The following SGCD variants were observed in gnomAD, a reference collection of about 807,000 sequenced individuals.
SGCD encodes delta-sarcoglycan.
A neutral mutation model predicts 36.6 loss-of-function variants in SGCD; 18 were observed. The ratio of observed to expected loss-of-function variants is 0.49; its 90% CI spans 0.34 to 0.73. SGCD has a LOEUF of 0.73. SGCD is among the 30% of genes least tolerant of loss of function. SGCD has a pLI of 0.01. For synonymous variants in SGCD, 133 were observed against 130.6 expected (o/e 1.02, Z -0.12); for missense variants, 387 against 346.7 (o/e 1.12, Z -0.92).
chr5:156,187,741 G>A (rs1424383354), intron 3 of SGCD, among the ~76,000 whole-genome samples: 1 of 152,116 alleles, frequency 6.6e-6, no homozygotes, highest in African/African-American at 2.4e-5. Flanking sequence ...GAGAAAGGGT[G>A]GGAAAGACCT....
chr5:156,285,147 C>A (rs187508610), intron 3 of SGCD, among the ~76,000 whole-genome samples: 21,296 of 152,146 alleles, frequency 0.14, 1,864 homozygotes, highest in Admixed American at 0.2. Context: ...AGGAGAACTA[C>A]AAACCACTGC....
At chr5:156,136,502 T>A (rs1762461080) in intron 3 of SGCD, among the ~76,000 whole-genome samples, 1 of 152,178 alleles carries the variant, frequency 6.6e-6, no homozygotes, top group African/African-American at 2.4e-5. Context: ...AATTTCAGGA[T>A]GTGTTTGGAT....
At chr5:156,034,081 C>T (rs1374883903) in intron 1 of SGCD, among the ~76,000 whole-genome samples, 1 of 152,116 alleles carries the variant, frequency 6.6e-6, no homozygotes, top group African/African-American at 2.4e-5. Context: ...TTTTAATAGT[C>T]CCTCTCTCCT....
intron 7 of SGCD, among the ~76,000 whole-genome samples, chr5:156,682,635 T>A (rs1753763350): frequency 6.6e-6 from 1 of 152,178 alleles, no homozygotes; most frequent in Non-Finnish European, 1.5e-5. Context: ...AACATTAAAG[T>A]TCTAAGTAGA....
At chr5:155,729,316 C>G in the SGCD span, among the ~76,000 whole-genome samples, 2 of 152,196 alleles carry the variant, frequency 1.3e-5, no homozygotes, top group Admixed American at 1.3e-4. Context: ...AGATCCGCAG[C>G]CGCCTGGGCG....
intron 1 of SGCD, among the ~76,000 whole-genome samples, chr5:155,993,125 G>A (rs1424387998): frequency 4.6e-5 from 7 of 151,956 alleles, no homozygotes; most frequent in Admixed American, 4.6e-4. Context: ...TCCTTCCCTT[G>A]GAAACCACAA....
chr5:156,596,887 G>T (rs1760948431), intron 6 of SGCD, among the ~76,000 whole-genome samples: 1 of 152,054 alleles, frequency 6.6e-6, no homozygotes, highest in Non-Finnish European at 1.5e-5. Flanking sequence ...TCTCCCACTT[G>T]TATTTGCCCC....
chr5:156,712,102 A>G (rs1581442953), intron 7 of SGCD, among the ~76,000 whole-genome samples: 1 of 152,094 alleles, frequency 6.6e-6, no homozygotes, highest in South Asian at 2.1e-4. Flanking sequence ...TGGCTTCTTT[A>G]CTGCAACCTG....
chr5:156,370,836 G>A (rs898783590), intron 3 of SGCD, among the ~76,000 whole-genome samples: 4 of 152,108 alleles, frequency 2.6e-5, no homozygotes, highest in African/African-American at 9.7e-5. Context: ...TGAGTAAGTG[G>A]AATATTAGGG....
intron 1 of SGCD, among the ~76,000 whole-genome samples, chr5:155,953,567 C>T (rs1255137306): frequency 6.6e-6 from 1 of 152,136 alleles, no homozygotes; most frequent in African/African-American, 2.4e-5. Context: ...GTTTTACTCA[C>T]CACTGACTCA....
chr5:156,489,262 A>G (rs1755836331), intron 3 of SGCD, among the ~76,000 whole-genome samples: 1 of 152,260 alleles, frequency 6.6e-6, no homozygotes, highest in Middle Eastern at 3.4e-3. Flanking sequence ...AAAGAGAAAG[A>G]TAGACTCCTA....
intron 4 of SGCD, among the ~76,000 whole-genome samples, chr5:156,569,948 G>C (rs770779764): frequency 1.3e-5 from 2 of 152,172 alleles, no homozygotes; most frequent in Admixed American, 1.3e-4. Context: ...CTTGTAGTTA[G>C]GAGTTTGAAT....
chr5:155,786,545 G>A, the SGCD span, among the ~76,000 whole-genome samples: 4 of 152,228 alleles, frequency 2.6e-5, no homozygotes, highest in South Asian at 8.3e-4. Context: ...GATGAACAAA[G>A]GAGGAACATT....
intron 4 of SGCD, among the ~76,000 whole-genome samples, chr5:156,578,831 G>T (rs754609686): frequency 6.6e-6 from 1 of 152,086 alleles, no homozygotes; most frequent in African/African-American, 2.4e-5. Context: ...CTTGCTAGTG[G>T]TCTATCAATT....
At chr5:156,204,831 A>G (rs1240441710) in intron 3 of SGCD, among the ~76,000 whole-genome samples, 1 of 152,102 alleles carries the variant, frequency 6.6e-6, no homozygotes, top group Non-Finnish European at 1.5e-5. Context: ...AGCTACTTAA[A>G]AATAAGTGGC....
At chr5:156,585,424 C>G (rs1014940934) in intron 4 of SGCD, among the ~76,000 whole-genome samples, 10 of 152,270 alleles carry the variant, frequency 6.6e-5, no homozygotes, top group African/African-American at 2.2e-4. Flanking sequence ...ACAAACTATC[C>G]TTTGAAAATG....
the SGCD span, among the ~76,000 whole-genome samples, chr5:155,813,534 A>ATCTC: frequency 6.6e-6 from 1 of 152,200 alleles, no homozygotes; most frequent in Non-Finnish European, 1.5e-5. Context: ...GATCACTGAG[A>ATCTC]AGTGATCATA....
At chr5:156,043,928 T>G (rs1759699488) in intron 1 of SGCD, among the ~76,000 whole-genome samples, 1 of 145,614 alleles carries the variant, frequency 6.9e-6, no homozygotes, top group Non-Finnish European at 1.5e-5. Context: ...CTTCCAAGGG[T>G]AAAACACTGG....
chr5:156,759,488 C>A lies in SGCD; in HGVS notation c.*98C>A. On this transcript the variant is annotated 3_prime_UTR_variant, in exon 9 of 9. Transcript: ENST00000337851. ...TTTTACTAGAACACAGAAAGCCTAT[C>A]AAAGACCTTGTGTGTATGTGTACGT... The A allele has an allele frequency of 1.2e-6, 1 of 833,076 alleles. No homozygotes were observed. The highest frequency in any genetic ancestry group is 1.9e-6 in the Non-Finnish European group (1 of 528,570). The allele number at this position is 833,076 out of a possible 1,614,324, so 51.6% of individuals were successfully genotyped here. A position where few individuals can be genotyped will look rare whatever the true frequency, so the allele number is the denominator to read the frequency against.
Sources: allele counts gnomAD v4.1 joint callset (sites outside exome capture counted in the v4.1 genomes callset), GRCh38; gene constraint gnomAD v4.1.1; transcripts MANE v1.5; gene names NCBI Gene and HGNC (gene_info 2026-07-23, HGNC 2026-07-21).